The following SP100 variants were observed in gnomAD, a reference collection of about 807,000 sequenced individuals.
The protein encoded by SP100 is SP100 nuclear body protein.
In SP100, 84 loss-of-function variants were observed where a neutral mutation model predicts 130.0. That is an observed-to-expected ratio of 0.65 (90% confidence interval 0.54 to 0.77). The LOEUF (loss-of-function observed/expected upper bound fraction) is 0.77. Among genes scored for constraint, SP100 ranks in the 30% least tolerant of loss-of-function variants. The pLI is 0.00. For synonymous variants in SP100, 331 were observed against 351.7 expected (o/e 0.94, Z 0.66); for missense variants, 978 against 1,052.2 (o/e 0.93, Z 0.97).
intron 5 of SP100, among the ~76,000 whole-genome samples, chr2:230,448,644 C>G (rs1157643246): frequency 6.6e-6 from 1 of 152,156 alleles, no homozygotes; most frequent in Non-Finnish European, 1.5e-5. Flanking sequence ...AGAGGCTACT[C>G]AGACACTGAG....
intron 10 of SP100, chr2:230,463,522 T>C (rs1003033949): frequency 6.6e-6 from 1 of 152,346 alleles, no homozygotes; most frequent in Non-Finnish European, 1.5e-5. Context: ...AATACATTCA[T>C]TCTAATTGCT....
chr2:230,448,988 T>C, intron 5 of SP100, 100 bp from the exon 6 acceptor site: 2 of 788,860 alleles, frequency 2.5e-6, no homozygotes, highest in East Asian at 4.9e-5. Context: ...CTAGAAGGGG[T>C]CTTTAACTCC....
chr2:230,486,753 A>C (rs2066123204), intron 17 of SP100, among the ~76,000 whole-genome samples: 1 of 152,266 alleles, frequency 6.6e-6, no homozygotes, highest in African/African-American at 2.4e-5. Flanking sequence ...GAATCACCAT[A>C]CTGTCTTCCA....
intron 20 of SP100, among the ~76,000 whole-genome samples, chr2:230,503,641 G>A (rs1406816256): frequency 6.6e-6 from 1 of 152,072 alleles, no homozygotes; most frequent in East Asian, 1.9e-4. Flanking sequence ...CTCTCAATGT[G>A]CAGTTTCTTC....
chr2:230,449,777 GTC>G, intron 7 of SP100, 67 bp downstream of exon 7: 1 of 1,528,342 alleles, frequency 6.5e-7, no homozygotes, highest in Non-Finnish European at 9.0e-7. Flanking sequence ...CAGAGGAAGA[GTC>G]TAATGCACAA....
intron 11 of SP100, among the ~76,000 whole-genome samples, chr2:230,465,292 G>A (rs560522623): frequency 2.4e-4 from 37 of 152,106 alleles, no homozygotes; most frequent in South Asian, 4.2e-4. Flanking sequence ...CCAGCTACTC[G>A]GGAGGCTGAG....
intron 24 of SP100, among the ~76,000 whole-genome samples, chr2:230,528,386 A>C (rs1284477254): frequency 6.6e-6 from 1 of 152,258 alleles, no homozygotes; most frequent in South Asian, 2.1e-4. Context: ...CAATGAGAAC[A>C]AATACACAGT....
chr2:230,540,527 C>T (rs1490226889), intron 25 of SP100, among the ~76,000 whole-genome samples: 1 of 152,182 alleles, frequency 6.6e-6, no homozygotes, highest in African/African-American at 2.4e-5. Context: ...CTCATAGAGG[C>T]CCAACACTTT....
chr2:230,524,062 G>A lies in SP100; in HGVS notation c.2094+12896G>A, dbSNP rs375076752. On this transcript the variant is annotated intron_variant, in intron 24 of 28. Coordinates refer to ENST00000340126, the MANE Select transcript of SP100 (RefSeq NM_001080391.2). ...ATAAAACTATAAACCAGCTGGGTGTGGTTGCTCACGCCTGTAATCCCAGCA... is the reference window on the plus strand; with the variant it reads ...ATAAAACTATAAACCAGCTGGGTGTAGTTGCTCACGCCTGTAATCCCAGCA... Among the ~76,000 whole-genome samples the A allele has an allele frequency of 1.4e-4, 21 of 151,294 alleles. No homozygotes were observed. The East Asian group carries it at 2.5e-3, about 18-fold the overall frequency.
At chr2:230,472,188 G>T (rs769789963) in intron 15 of SP100, among the ~76,000 whole-genome samples, 9 of 152,080 alleles carry the variant, frequency 5.9e-5, no homozygotes, top group Non-Finnish European at 1.3e-4. Context: ...CAGCACTTTG[G>T]GAGGCCGAGG....
intron 21 of SP100, among the ~76,000 whole-genome samples, chr2:230,505,403 A>G (rs1690008792): frequency 6.6e-6 from 1 of 152,190 alleles, no homozygotes; most frequent in African/African-American, 2.4e-5. Context: ...GCCTTCTGCT[A>G]AATGGTAAGA....
At chr2:230,438,594 C>G (rs540138075) in intron 2 of SP100, among the ~76,000 whole-genome samples, 1 of 149,704 alleles carries the variant, frequency 6.7e-6, no homozygotes, top group Non-Finnish European at 1.5e-5. Flanking sequence ...ATGCTGAGAA[C>G]GCCATTATTG....
chr2:230,436,775 T>C (rs1486619716), intron 2 of SP100, among the ~76,000 whole-genome samples: 1 of 152,140 alleles, frequency 6.6e-6, no homozygotes, highest in Non-Finnish European at 1.5e-5. Context: ...GAACATATTG[T>C]ACACTATTTT....
intron 2 of SP100, among the ~76,000 whole-genome samples, chr2:230,426,228 T>C (rs2062928239): frequency 6.6e-6 from 1 of 152,152 alleles, no homozygotes. Flanking sequence ...TTTTCTATTG[T>C]TTTCCTATTA....
At chr2:230,488,008 A>ATT (rs2150032047) in intron 17 of SP100, among the ~76,000 whole-genome samples, 1 of 152,254 alleles carries the variant, frequency 6.6e-6, no homozygotes, top group African/African-American at 2.4e-5. Context: ...GTGTAAAGGA[A>ATT]TGCTTGTGAT....
intron 24 of SP100, among the ~76,000 whole-genome samples, chr2:230,535,294 T>G (rs887331415): frequency 3.3e-5 from 5 of 152,198 alleles, no homozygotes; most frequent in African/African-American, 1.2e-4. Flanking sequence ...CTGATGACTT[T>G]GGAGGTTGTT....
chr2:230,419,317 C>T (rs2062704197), intron 2 of SP100, among the ~76,000 whole-genome samples: 1 of 152,096 alleles, frequency 6.6e-6, no homozygotes. Context: ...TCATGCTGTC[C>T]CTCTCCATCC....
At chr2:230,516,611 G>A (rs968390269) in intron 24 of SP100, 1 of 152,146 alleles carries the variant, frequency 6.6e-6, no homozygotes, top group Admixed American at 6.6e-5. Flanking sequence ...AGTTCTGGAA[G>A]TTTTATCTAG....
intron 25 of SP100, among the ~76,000 whole-genome samples, chr2:230,540,613 C>A (rs545439500): frequency 6.6e-6 from 1 of 152,248 alleles, no homozygotes; most frequent in Admixed American, 6.5e-5. Flanking sequence ...CAGATGGAAA[C>A]CCTAAGTTTT....
Sources: gnomAD v4.1 joint callset for allele counts (sites outside exome capture counted in the v4.1 genomes callset) on GRCh38, gnomAD v4.1.1 for gene constraint, MANE v1.5 for transcripts, NCBI Gene and HGNC (gene_info 2026-07-23, HGNC 2026-07-21) for gene names.